The following EPHA5 variants were observed in gnomAD, a reference collection of about 807,000 sequenced individuals.
The protein encoded by EPHA5 is EPH receptor A5.
EPHA5 carries 60 observed loss-of-function variants against 105.0 expected under a neutral mutation model. The observed-to-expected ratio is 0.57, with a 90% CI of 0.46 to 0.71. The LOEUF is 0.71. EPHA5 is among the 30% of genes least tolerant of loss of function. The pLI, the probability that EPHA5 is intolerant of heterozygous loss-of-function variation, is 0.00. For missense variants in EPHA5, 1,218 were observed against 1,274.7 expected (o/e 0.96, Z 0.68); for synonymous variants, 513 against 449.1 (o/e 1.14, Z -1.80).
intron 8 of EPHA5, among the ~76,000 whole-genome samples, chr4:65,381,798 A>C (rs895475756): frequency 6.6e-6 from 1 of 151,760 alleles, no homozygotes; most frequent in Admixed American, 6.6e-5. Flanking sequence ...TCAGTTTTCT[A>C]TCAAACAGGT....
At chr4:65,644,084 A>G (rs536892063) in intron 1 of EPHA5, among the ~76,000 whole-genome samples, 1 of 152,042 alleles carries the variant, frequency 6.6e-6, no homozygotes, top group Non-Finnish European at 1.5e-5. Context: ...ACCATAGTCT[A>G]AAAAGGATGT....
intron 16 of EPHA5, chr4:65,330,645 A>G (rs1167658617): frequency 1.1e-5 from 7 of 616,196 alleles, no homozygotes; most frequent in Admixed American, 6.2e-5. Flanking sequence ...ATATAAAATG[A>G]CAAATGACTT....
chr4:65,348,439 C>T (rs556599289), intron 13 of EPHA5, among the ~76,000 whole-genome samples: 3 of 151,706 alleles, frequency 2.0e-5, no homozygotes, highest in South Asian at 4.2e-4. Context: ...ACAGAAACCA[C>T]ATCTCAATTA....
chr4:65,548,933 C>A (rs747022719), intron 3 of EPHA5, among the ~76,000 whole-genome samples: 1 of 152,090 alleles, frequency 6.6e-6, no homozygotes, highest in African/African-American at 2.4e-5. Flanking sequence ...GTCTGGCTAG[C>A]GCTAATGCTG....
At chr4:65,452,831 G>A (rs920822107) in intron 5 of EPHA5, among the ~76,000 whole-genome samples, 1 of 152,076 alleles carries the variant, frequency 6.6e-6, no homozygotes, top group African/African-American at 2.4e-5. Context: ...ATTCTATTTA[G>A]CATCTTTAAC....
chr4:65,484,587 A>G (rs568526066), intron 5 of EPHA5, among the ~76,000 whole-genome samples: 1 of 152,270 alleles, frequency 6.6e-6, no homozygotes, highest in East Asian at 1.9e-4. Flanking sequence ...CATTCAAAAC[A>G]ATTAAAATGT....
In EPHA5 at chr4:65,322,644, G is replaced by T. The variant is rs1359845266; in HGVS notation, c.*1470C>A. 4.4e-6 allele frequency: 1 copy of T among 225,312 alleles called. No individual in the cohort carries two copies. Among genetic ancestry groups the T allele is most frequent in the Non-Finnish European group, 8.8e-6 (1 of 113,100 alleles). The allele number at this position is 225,312 out of a possible 1,614,324, so 14.0% of individuals were successfully genotyped here. On this transcript the variant is annotated 3_prime_UTR_variant, in exon 17 of 17. Transcript: ENST00000613740. Reference sequence around the variant, plus strand: ...ATGTGTGGTATATAGAGCATACATAGAAGATATGTTATATTCCTTAATAAG... The same window carrying T: ...ATGTGTGGTATATAGAGCATACATATAAGATATGTTATATTCCTTAATAAG...
At chr4:65,544,988 C>A (rs1293281622) in intron 3 of EPHA5, among the ~76,000 whole-genome samples, 3 of 150,138 alleles carry the variant, frequency 2.0e-5, no homozygotes, top group Admixed American at 1.3e-4. Flanking sequence ...AAATTTCAAA[C>A]CTGTGTTCCT....
chr4:65,533,384 T>G (rs1736005266), intron 3 of EPHA5, among the ~76,000 whole-genome samples: 1 of 152,188 alleles, frequency 6.6e-6, no homozygotes, highest in Admixed American at 6.5e-5. Context: ...TTATTATTCT[T>G]ATTTTAATAT....
At position 65,336,056 on chromosome 4, in the gene EPHA5, A is replaced by G. The variant is rs768566766; in HGVS notation, c.2665T>C (p.Leu889=). 8 of 1,613,206 alleles carry G rather than the reference A, an allele frequency of 5.0e-6. No individual in the cohort carries two copies. In the African/African-American group the frequency reaches 9.4e-5, roughly 19 times the overall value. Reference sequence around the variant, plus strand: ...TCTTTCTGCCAGCAATCCAGCATTAACTGATAGAGAGCAGCAGGACAATCC... The same window carrying G: ...TCTTTCTGCCAGCAATCCAGCATTAGCTGATAGAGAGCAGCAGGACAATCC... ...PMDCPAALYQ[L]MLDCWQKERN... is the part of the protein sequence containing the mutation. Residue 889 remains leucine, a synonymous_variant, in exon 15 of 17, where the codon TTA becomes CTA. Coordinates refer to ENST00000613740, the MANE Select transcript of EPHA5 (RefSeq NM_001281766.3).
intron 5 of EPHA5, among the ~76,000 whole-genome samples, chr4:65,476,383 C>G (rs1729822469): frequency 1.3e-5 from 2 of 152,048 alleles, no homozygotes; most frequent in East Asian, 1.9e-4. Flanking sequence ...TAGTTGTCTT[C>G]CATGGAACAC....
chr4:65,354,673 A>G (rs1385854799), intron 11 of EPHA5, among the ~76,000 whole-genome samples: 2 of 151,718 alleles, frequency 1.3e-5, no homozygotes, highest in Non-Finnish European at 2.9e-5. Flanking sequence ...TGATTGACTC[A>G]GGTCATAGAA....
chr4:65,588,407 T>G (rs192410433), intron 3 of EPHA5, among the ~76,000 whole-genome samples: 6 of 152,266 alleles, frequency 3.9e-5, no homozygotes, highest in South Asian at 4.1e-4. Context: ...GCTCCTTTTC[T>G]CCTCAGCTTT....
chr4:65,646,666 G>A (rs1446740992), intron 1 of EPHA5, among the ~76,000 whole-genome samples: 2 of 152,034 alleles, frequency 1.3e-5, no homozygotes, highest in Non-Finnish European at 2.9e-5. Context: ...TATTTATATG[G>A]TATATCAGTA....
In EPHA5 at chr4:65,669,928, G is replaced by T; in HGVS notation, c.-186C>A. The T allele has an allele frequency of 1.1e-6, 1 of 888,984 alleles. No homozygotes were observed. The highest frequency in any genetic ancestry group is 1.5e-6 in the Non-Finnish European group (1 of 675,490). The allele number at this position is 888,984 out of a possible 1,614,324, so 55.1% of individuals were successfully genotyped here. ...GCTGAGACAGCTGAAGTTTGCTTCTGGCTCCTCTCGCCTCCCCCTTTGGTG... is the reference window on the plus strand; with the variant it reads ...GCTGAGACAGCTGAAGTTTGCTTCTTGCTCCTCTCGCCTCCCCCTTTGGTG... On this transcript the variant is annotated 5_prime_UTR_variant, in exon 1 of 17. Transcript: ENST00000613740.
In EPHA5 at chr4:65,589,040, T is replaced by C. The variant is rs546136092; in HGVS notation, c.910+12601A>G. ...TGCCAAGTGCTAAGCTTTATGAGCC[T>C]CCAATATTTAAAATCTAATCCAAGT... On this transcript the variant is annotated intron_variant, in intron 3 of 16. Coordinates refer to ENST00000613740, the MANE Select transcript of EPHA5 (RefSeq NM_001281766.3). Among the ~76,000 whole-genome samples the C allele has an allele frequency of 3.3e-5, 5 of 152,300 alleles. No homozygotes were observed. In the South Asian group the frequency reaches 6.2e-4, roughly 19 times the overall value.
At chr4:65,354,936 G>T (rs1256091149) in intron 11 of EPHA5, among the ~76,000 whole-genome samples, 2 of 151,776 alleles carry the variant, frequency 1.3e-5, no homozygotes, top group African/African-American at 4.8e-5. Flanking sequence ...TGCAAAGGCA[G>T]CCACATTTCC....
chr4:65,360,715 C>G (rs181679843), intron 11 of EPHA5, among the ~76,000 whole-genome samples: 1 of 151,204 alleles, frequency 6.6e-6, no homozygotes, highest in Non-Finnish European at 1.5e-5. Flanking sequence ...TCTTAAAAGC[C>G]CATGGTTTTA....
intron 8 of EPHA5, among the ~76,000 whole-genome samples, chr4:65,372,636 A>G (rs920048085): frequency 2.6e-5 from 4 of 151,886 alleles, no homozygotes; most frequent in African/African-American, 4.8e-5. Flanking sequence ...TTCATTGAAT[A>G]TGGGAATGAT....
Sources: gnomAD v4.1 joint callset for allele counts (sites outside exome capture counted in the v4.1 genomes callset) on GRCh38, gnomAD v4.1.1 for gene constraint, MANE v1.5 for transcripts, NCBI Gene and HGNC (gene_info 2026-07-23, HGNC 2026-07-21) for gene names.